STOX1: variants seen among roughly 807,000 people sequenced by gnomAD.
STOX1 encodes the protein storkhead box 1, also known as storkhead-box protein 1.
In STOX1, 57 loss-of-function variants were observed where a neutral mutation model predicts 74.8. The observed-to-expected ratio is 0.76, with a 90% CI of 0.62 to 0.95. STOX1 has a LOEUF of 0.95. Among genes scored for constraint, STOX1 ranks in the 40% least tolerant of loss-of-function variants. STOX1 has a pLI of 0.00. For synonymous variants in STOX1, 375 were observed against 401.3 expected, an observed-to-expected ratio of 0.93 and a Z score of 0.78; for missense variants, 1,010 against 1,117.0, an observed-to-expected ratio of 0.90 and a Z score of 1.37.
intron 1 of STOX1, chr10:68,829,109 T>C (rs1248648953): frequency 2.1e-6 from 1 of 477,946 alleles, no homozygotes; most frequent in Non-Finnish European, 2.7e-6. Flanking sequence ...ATTTTCATTC[T>C]TACCAAGGAA....
At chr10:68,829,891 G>A (rs1015406341) in intron 1 of STOX1, among the ~76,000 whole-genome samples, 1 of 152,128 alleles carries the variant, frequency 6.6e-6, no homozygotes, top group Non-Finnish European at 1.5e-5. Flanking sequence ...AGACAGGCTC[G>A]ATGAAAAACT....
At chr10:68,842,799 A>C (rs113052102) in intron 1 of STOX1, among the ~76,000 whole-genome samples, 4,588 of 152,072 alleles carry the variant, frequency 0.03, 226 homozygotes, top group African/African-American at 0.1. Flanking sequence ...TTGGCCTCCC[A>C]AAGTGCTGGG....
chr10:68,887,109 TAC>T lies in STOX1; in HGVS notation c.2822+493_2822+494del, dbSNP rs537993795. Among the ~76,000 whole-genome samples the T allele has an allele frequency of 4.8e-4, 73 of 152,292 alleles. 2 individuals carry two copies. The South Asian group carries it at 0.014, about 29-fold the overall frequency. On this transcript the variant is annotated intron_variant, in intron 3 of 3. Coordinates refer to ENST00000298596, the MANE Select transcript of STOX1 (RefSeq NM_152709.5). ...CAATGAAATCTCTTATATAGTAGGA[TAC>T]AGTTTATTTTTAATGTGAACCAAAT...
chr10:68,860,938 G>A (rs1840252945), intron 1 of STOX1, among the ~76,000 whole-genome samples: 2 of 152,070 alleles, frequency 1.3e-5, no homozygotes, highest in East Asian at 1.9e-4. Context: ...GCCGGGCGCG[G>A]TGGCTCACAC....
At chr10:68,869,204 G>C (rs992945924) in intron 1 of STOX1, among the ~76,000 whole-genome samples, 44 of 152,212 alleles carry the variant, frequency 2.9e-4, no homozygotes, top group Admixed American at 5.2e-4. Context: ...GATAGGTTAA[G>C]ATTGTCTTAA....
rs543789097 is a variant in STOX1 at position 68,866,850 on chromosome 10, C to T, written c.311-15108C>T. On this transcript the variant is annotated intron_variant, in intron 1 of 3. Transcript: ENST00000298596. ...GAACTGGGAATGCCCTGGTTTGGAACGGGGCCCAGGACGGGCCTCTCATGG... is the reference window on the plus strand; with the variant it reads ...GAACTGGGAATGCCCTGGTTTGGAATGGGGCCCAGGACGGGCCTCTCATGG... 6.6e-5 allele frequency among the ~76,000 whole-genome samples: 10 copies of T among 151,974 alleles called. No homozygotes were observed. The South Asian group carries it at 8.3e-4, about 13-fold the overall frequency.
downstream of STOX1, chr10:68,895,299 A>T (rs908821627): frequency 3.3e-5 from 5 of 152,128 alleles, no homozygotes; most frequent in African/African-American, 1.2e-4. Flanking sequence ...TTGCCACTGG[A>T]TGCATTATGA....
At chr10:68,830,295 G>A (rs1028585773) in intron 1 of STOX1, among the ~76,000 whole-genome samples, 13 of 151,990 alleles carry the variant, frequency 8.6e-5, no homozygotes, top group African/African-American at 3.1e-4. Context: ...CTTGACTTGG[G>A]TCTCCTGGCA....
At chr10:68,843,565 A>G (rs1839748852) in intron 1 of STOX1, among the ~76,000 whole-genome samples, 1 of 151,646 alleles carries the variant, frequency 6.6e-6, no homozygotes, top group Non-Finnish European at 1.5e-5. Context: ...GTTGTGATGG[A>G]ATTTCACTCT....
At chr10:68,865,398 C>T (rs997552531) in intron 1 of STOX1, among the ~76,000 whole-genome samples, 5 of 152,194 alleles carry the variant, frequency 3.3e-5, no homozygotes, top group African/African-American at 7.2e-5. Context: ...GCCTGTAATC[C>T]CAGCACTTTG....
intron 1 of STOX1, among the ~76,000 whole-genome samples, chr10:68,881,328 G>A (rs138711486): frequency 6.6e-6 from 1 of 152,250 alleles, no homozygotes; most frequent in African/African-American, 2.4e-5. Flanking sequence ...TATTGAACCA[G>A]GATAACTCTA....
At chr10:68,854,360 C>T (rs942188436) in intron 1 of STOX1, among the ~76,000 whole-genome samples, 8 of 151,908 alleles carry the variant, frequency 5.3e-5, no homozygotes, top group African/African-American at 1.5e-4. Context: ...GGTGCAATCA[C>T]GGCTCACTGC....
At chr10:68,850,732 G>A (rs1839963399) in intron 1 of STOX1, among the ~76,000 whole-genome samples, 1 of 152,222 alleles carries the variant, frequency 6.6e-6, no homozygotes, top group South Asian at 2.1e-4. Context: ...CCAGCACTGG[G>A]AGGCCAAGGC....
intron 1 of STOX1, among the ~76,000 whole-genome samples, chr10:68,874,964 C>T (rs1336618051): frequency 3.9e-5 from 6 of 152,046 alleles, no homozygotes; most frequent in African/African-American, 7.2e-5. Flanking sequence ...CTGAAATGGC[C>T]GGGAAATGGA....
At chr10:68,877,276 A>T (rs1387831596) in intron 1 of STOX1, among the ~76,000 whole-genome samples, 1 of 152,190 alleles carries the variant, frequency 6.6e-6, no homozygotes, top group Admixed American at 6.5e-5. Context: ...ACCCATCCCC[A>T]TGTCATAGTA....
At chr10:68,873,306 G>C (rs545926557) in intron 1 of STOX1, among the ~76,000 whole-genome samples, 22 of 133,056 alleles carry the variant, frequency 1.7e-4, no homozygotes, top group Admixed American at 6.2e-4. Flanking sequence ...TGTCACCCAG[G>C]CTGGAATGCA....
chr10:68,835,954 C>G (rs1245152384), intron 1 of STOX1, among the ~76,000 whole-genome samples: 1 of 151,174 alleles, frequency 6.6e-6, no homozygotes, highest in African/African-American at 2.4e-5. Flanking sequence ...TCACTGAAAC[C>G]TCCTCCTCCT....
At chr10:68,844,095 G>A (rs913725802) in intron 1 of STOX1, among the ~76,000 whole-genome samples, 5 of 151,754 alleles carry the variant, frequency 3.3e-5, no homozygotes, top group Non-Finnish European at 7.4e-5. Context: ...CTGGAGAATG[G>A]CATGAGCCCG....
chr10:68,847,326 CAT>C (rs376599664), intron 1 of STOX1, among the ~76,000 whole-genome samples: 2 of 152,278 alleles, frequency 1.3e-5, no homozygotes, highest in East Asian at 1.9e-4. Flanking sequence ...TCAGCAGACA[CAT>C]GTTATTATGG....
Sources: allele counts gnomAD v4.1 joint callset (sites outside exome capture counted in the v4.1 genomes callset), GRCh38; gene constraint gnomAD v4.1.1; transcripts MANE v1.5; gene names NCBI Gene and HGNC (gene_info 2026-07-23, HGNC 2026-07-21).